Variants in ZMAT4 observed in about 807,000 individuals in gnomAD.
ZMAT4 encodes the protein zinc finger matrin-type protein 4.
ZMAT4 carries 17 observed loss-of-function variants against 28.7 expected under a neutral mutation model. That is an observed-to-expected ratio of 0.59 (90% CI 0.41 to 0.89). The LOEUF (loss-of-function observed/expected upper bound fraction) is 0.89. Ranked by LOEUF, ZMAT4 falls within the 40% of genes least tolerant of loss-of-function variation. The pLI, the probability that ZMAT4 is intolerant of heterozygous loss-of-function variation, is 0.00. For synonymous variants in ZMAT4, 117 were observed against 109.2 expected (o/e 1.07, Z -0.44); for missense variants, 240 against 283.8 (o/e 0.85, Z 1.11).
chr8:40,881,156 T>C (rs1199242371), intron 1 of ZMAT4, among the ~76,000 whole-genome samples: 13 of 151,834 alleles, frequency 8.6e-5, no homozygotes, highest in Non-Finnish European at 1.5e-5. Context: ...ACTGGGAGGA[T>C]CGTTTGAGGC....
At position 40,873,936 on chromosome 8, in the gene ZMAT4, G is replaced by A. The variant is rs907558; in HGVS notation, c.-5+23747C>T. Among the ~76,000 whole-genome samples the A allele has an allele frequency of 4.4e-3, 667 of 152,252 alleles. 5 individuals are homozygous for A. The highest frequency in any genetic ancestry group is 0.015 in the African/African-American group (633 of 41,550). ...TTAACAGAGTAAGCCCAGCGTGCGT[G>A]ATCCTGTTCAACTCTCACCACAATC... On this transcript the variant is annotated intron_variant, in intron 1 of 6. Coordinates refer to ENST00000297737, the MANE Select transcript of ZMAT4 (RefSeq NM_024645.3).
intron 3 of ZMAT4, among the ~76,000 whole-genome samples, chr8:40,719,616 C>T (rs1164878160): frequency 6.6e-6 from 1 of 152,054 alleles, no homozygotes; most frequent in East Asian, 1.9e-4. Context: ...GTCACCCAGG[C>T]TGGAGTGCAG....
chr8:40,643,452 T>G (rs1412740593), intron 5 of ZMAT4, among the ~76,000 whole-genome samples: 1 of 152,138 alleles, frequency 6.6e-6, no homozygotes, highest in Admixed American at 6.6e-5. Flanking sequence ...GTGGGGAATA[T>G]CCCATGGATA....
At chr8:40,582,504 C>CAT (rs1804524769) in intron 5 of ZMAT4, among the ~76,000 whole-genome samples, 1 of 151,992 alleles carries the variant, frequency 6.6e-6, no homozygotes, top group South Asian at 2.1e-4. Context: ...AAAAAAGTGA[C>CAT]ATATATATAC....
At chr8:40,786,236 C>T (rs1026032082) in intron 2 of ZMAT4, among the ~76,000 whole-genome samples, 1 of 152,192 alleles carries the variant, frequency 6.6e-6, no homozygotes, top group Non-Finnish European at 1.5e-5. Flanking sequence ...TCTAATCTTA[C>T]TCCTCTCTGC....
chr8:40,768,719 T>C (rs1813265631), intron 2 of ZMAT4, among the ~76,000 whole-genome samples: 2 of 152,180 alleles, frequency 1.3e-5, no homozygotes, highest in African/African-American at 4.8e-5. Flanking sequence ...AAATGAGACA[T>C]TGCATATGAA....
chr8:40,601,594 G>T (rs1293479046), intron 5 of ZMAT4, among the ~76,000 whole-genome samples: 1 of 12,564 alleles, frequency 8.0e-5, no homozygotes, highest in African/African-American at 2.7e-4. Flanking sequence ...AAGAAAGAAA[G>T]AAAGAAAGAA....
chr8:40,535,731 A>G (rs748725136), intron 6 of ZMAT4, among the ~76,000 whole-genome samples: 3 of 152,176 alleles, frequency 2.0e-5, no homozygotes, highest in Admixed American at 2.0e-4. Context: ...ATATGGAGGA[A>G]GAAAGAAGAA....
intron 3 of ZMAT4, among the ~76,000 whole-genome samples, chr8:40,741,503 C>A (rs1452365607): frequency 7.3e-5 from 11 of 150,936 alleles, no homozygotes; most frequent in Non-Finnish European, 1.3e-4. Context: ...GTGATTAAAT[C>A]TGTATTAATG....
At chr8:40,601,972 C>A (rs1452067860) in intron 5 of ZMAT4, among the ~76,000 whole-genome samples, 2 of 151,990 alleles carry the variant, frequency 1.3e-5, no homozygotes, top group Non-Finnish European at 2.9e-5. Flanking sequence ...ACCCATCACC[C>A]AATAAGTGTA....
chr8:40,728,845 C>A (rs1230133627), intron 3 of ZMAT4, among the ~76,000 whole-genome samples: 1 of 152,076 alleles, frequency 6.6e-6, no homozygotes, highest in Non-Finnish European at 1.5e-5. Context: ...CATGTGTAGT[C>A]AACCCGCCAT....
At chr8:40,660,588 G>A (rs939004330) in intron 5 of ZMAT4, among the ~76,000 whole-genome samples, 5 of 152,160 alleles carry the variant, frequency 3.3e-5, no homozygotes, top group Non-Finnish European at 5.9e-5. Context: ...CTGTAGCAAA[G>A]CACCATAGAA....
chr8:40,614,145 T>C (rs1284121649), intron 5 of ZMAT4, among the ~76,000 whole-genome samples: 1 of 152,190 alleles, frequency 6.6e-6, no homozygotes, highest in African/African-American at 2.4e-5. Flanking sequence ...CTATGTTTTT[T>C]CCTCACTTTT....
At chr8:40,837,438 A>G (rs149131870) in intron 1 of ZMAT4, among the ~76,000 whole-genome samples, 3 of 152,310 alleles carry the variant, frequency 2.0e-5, no homozygotes, top group East Asian at 3.9e-4. Context: ...CTAAGCCACT[A>G]TGATTCCAGG....
chr8:40,617,999 C>T (rs10958627), intron 5 of ZMAT4, among the ~76,000 whole-genome samples: 1 of 152,050 alleles, frequency 6.6e-6, no homozygotes, highest in African/African-American at 2.4e-5. Context: ...CTGGAATATT[C>T]TCTCAAATTC....
intron 2 of ZMAT4, among the ~76,000 whole-genome samples, chr8:40,796,862 G>T (rs1814621421): frequency 6.6e-6 from 1 of 152,156 alleles, no homozygotes; most frequent in African/African-American, 2.4e-5. Flanking sequence ...AAAGCCACCT[G>T]CTGTGCTCGG....
At chr8:40,619,611 G>A (rs1787195594) in intron 5 of ZMAT4, among the ~76,000 whole-genome samples, 1 of 152,230 alleles carries the variant, frequency 6.6e-6, no homozygotes, top group South Asian at 2.1e-4. Context: ...CAGGGAGACA[G>A]GACAGGCATG....
chr8:40,857,550 T>C (rs924972608), intron 1 of ZMAT4, among the ~76,000 whole-genome samples: 1 of 152,188 alleles, frequency 6.6e-6, no homozygotes. Flanking sequence ...GCAGAGTCCC[T>C]TGAACTCTCA....
intron 1 of ZMAT4, among the ~76,000 whole-genome samples, chr8:40,841,643 C>T (rs932155065): frequency 3.9e-5 from 6 of 152,210 alleles, no homozygotes; most frequent in African/African-American, 1.4e-4. Flanking sequence ...TTCCTCTAGA[C>T]TGTGAGCCCT....
Sources: allele counts gnomAD v4.1 joint callset (sites outside exome capture counted in the v4.1 genomes callset), GRCh38; gene constraint gnomAD v4.1.1; transcripts MANE v1.5; gene names NCBI Gene and HGNC (gene_info 2026-07-23, HGNC 2026-07-21).